Variants in ASCC1 observed in about 807,000 individuals in gnomAD.
ASCC1 encodes activating signal cointegrator 1 complex subunit 1.
A neutral mutation model predicts 46.6 loss-of-function variants in ASCC1; 35 were observed. That is an observed-to-expected ratio of 0.75 (90% CI 0.57 to 0.99). The LOEUF (loss-of-function observed/expected upper bound fraction) is 0.99. ASCC1 is among the 50% of genes least tolerant of loss of function. ASCC1 has a pLI of 0.00. For synonymous variants in ASCC1, 143 were observed against 146.6 expected, an observed-to-expected ratio of 0.98 and a Z score of 0.18; for missense variants, 376 against 428.7, an observed-to-expected ratio of 0.88 and a Z score of 1.09.
chr10:72,119,893 G>A (rs991191051), intron 9 of ASCC1, among the ~76,000 whole-genome samples: 2 of 152,226 alleles, frequency 1.3e-5, no homozygotes, highest in African/African-American at 4.8e-5. Context: ...AATGCAGGCA[G>A]AGAGATGGAA....
chr10:72,154,638 T>C (rs1385378134), intron 6 of ASCC1, among the ~76,000 whole-genome samples: 1 of 151,984 alleles, frequency 6.6e-6, no homozygotes, highest in African/African-American at 2.4e-5. Flanking sequence ...ATTATAAACA[T>C]GTGCCACCAT....
At position 72,161,572 on chromosome 10, in the gene ASCC1, C is replaced by T; in HGVS notation, c.592G>A (p.Glu198Lys). Residue 198 changes from glutamate to lysine, a missense_variant, in exon 6 of 10, where the codon GAG (glutamate) becomes AAG (lysine). Glu to Lys is a moderately conservative substitution (Grantham distance 56, BLOSUM62 1). Coordinates refer to ENST00000672957, the MANE Select transcript of ASCC1 (RefSeq NM_001198800.3). ...LSEEEIQQTC[E>K]MLQQCKEEFI... Reference sequence around the variant, plus strand: ...TCCTCTTTACACTGCTGTAGCATCTCACATGTCTGCTGGATCTCTTCCTCA... The same window carrying T: ...TCCTCTTTACACTGCTGTAGCATCTTACATGTCTGCTGGATCTCTTCCTCA... 1 of 1,614,198 alleles carries T rather than the reference C, an allele frequency of 6.2e-7. No individual in the cohort carries two copies. Among genetic ancestry groups the T allele is most frequent in the African/African-American group, 1.3e-5 (1 of 75,042 alleles).
At chr10:72,214,261 C>T (rs1347594448) in intron 1 of ASCC1, among the ~76,000 whole-genome samples, 2 of 151,738 alleles carry the variant, frequency 1.3e-5, no homozygotes, top group African/African-American at 2.4e-5. Flanking sequence ...TATATAAACA[C>T]AGCCTGTCCA....
intron 5 of ASCC1, among the ~76,000 whole-genome samples, chr10:72,183,763 T>C (rs1218794959): frequency 6.6e-6 from 1 of 152,160 alleles, no homozygotes; most frequent in Non-Finnish European, 1.5e-5. Flanking sequence ...CTATAATCAG[T>C]AAAAATCTTT....
chr10:72,108,076 C>CTTTTTTTTTTTTTTTTTT (rs375287948), intron 9 of ASCC1, among the ~76,000 whole-genome samples: 6 of 128,342 alleles, frequency 4.7e-5, no homozygotes, highest in South Asian at 2.5e-4. Flanking sequence ...TTTTCTTTTT[C>CTTTTTTTTTTTTTTTTTT]TTTTTTTTTT....
chr10:72,130,054 T>C (rs79400823), intron 8 of ASCC1, among the ~76,000 whole-genome samples: 4,032 of 147,730 alleles, frequency 0.027, 159 homozygotes, highest in East Asian at 0.097. Flanking sequence ...TGTTATAACA[T>C]GGATGAGCCT....
At position 72,161,600 on chromosome 10, in the gene ASCC1, C is replaced by T. The variant is rs1232543430; in HGVS notation, c.564G>A (p.Leu188=). The T allele has an allele frequency of 6.2e-7, 1 of 1,614,088 alleles. No individual in the cohort carries two copies. The highest frequency in any genetic ancestry group is 8.5e-7 in the Non-Finnish European group (1 of 1,180,052). The part of the protein sequence containing the change: ...LHLTIGMLVL[L]SEEEIQQTCE... ...ATGTCTGCTGGATCTCTTCCTCACT[C>T]AAAAGCACCAACATCCCAATAGTTA... Residue 188 remains leucine (L), a synonymous_variant, in exon 6 of 10, where the codon TTG becomes TTA. Coordinates refer to ENST00000672957, the MANE Select transcript of ASCC1 (RefSeq NM_001198800.3).
At chr10:72,189,768 T>C (rs7896637) in intron 5 of ASCC1, among the ~76,000 whole-genome samples, 19,345 of 146,992 alleles carry the variant, frequency 0.13, 3,694 homozygotes, top group African/African-American at 0.42. Flanking sequence ...CACCACTGCA[T>C]TCCTGCCTGG....
At chr10:72,133,335 C>G in intron 7 of ASCC1, 154 bp from the exon 8 acceptor site, 1 of 711,852 alleles carries the variant, frequency 1.4e-6, no homozygotes. Flanking sequence ...CATCTCCCAC[C>G]ATCATGGAGC....
intron 9 of ASCC1, among the ~76,000 whole-genome samples, chr10:72,104,073 AG>A (rs1842089949): frequency 6.6e-6 from 1 of 152,256 alleles, no homozygotes; most frequent in African/African-American, 2.4e-5. Flanking sequence ...GATGGGTGAG[AG>A]AAGAAATCTT....
chr10:72,212,247 A>T, intron 2 of ASCC1: 1 of 192,766 alleles, frequency 5.2e-6, no homozygotes, highest in Non-Finnish European at 1.1e-5. Context: ...CGGGAGGTAG[A>T]GGTTGCAGAG....
chr10:72,120,446 G>T (rs1385478501), intron 9 of ASCC1, among the ~76,000 whole-genome samples: 1 of 151,648 alleles, frequency 6.6e-6, no homozygotes, highest in Non-Finnish European at 1.5e-5. Flanking sequence ...AAAGATATAA[G>T]GTGCACACAA....
chr10:72,206,222 T>C (rs1282132668), intron 3 of ASCC1, among the ~76,000 whole-genome samples: 3 of 150,882 alleles, frequency 2.0e-5, no homozygotes, highest in African/African-American at 2.4e-5. Flanking sequence ...CTAACCAACA[T>C]GGAGAAACCC....
chr10:72,156,136 C>T (rs1035618668), intron 6 of ASCC1, among the ~76,000 whole-genome samples: 1 of 152,154 alleles, frequency 6.6e-6, no homozygotes, highest in Non-Finnish European at 1.5e-5. Flanking sequence ...CTTGGGCCAT[C>T]CCCTTGGTGA....
intron 3 of ASCC1, among the ~76,000 whole-genome samples, chr10:72,204,741 G>C (rs532714804): frequency 1.3e-5 from 2 of 152,282 alleles, no homozygotes; most frequent in East Asian, 3.9e-4. Context: ...TTAAAAATAA[G>C]ATGTTTAGAG....
At chr10:72,203,877 A>G (rs1589626017) in intron 3 of ASCC1, among the ~76,000 whole-genome samples, 1 of 152,202 alleles carries the variant, frequency 6.6e-6, no homozygotes, top group East Asian at 1.9e-4. Context: ...CTGCTACTCA[A>G]AAGACTGAGG....
chr10:72,192,596 T>C (rs1854707607), intron 5 of ASCC1, among the ~76,000 whole-genome samples: 1 of 152,158 alleles, frequency 6.6e-6, no homozygotes, highest in Non-Finnish European at 1.5e-5. Context: ...TGGGATCCAG[T>C]GATTCTCGTG....
chr10:72,157,686 G>C (rs1466849130), intron 6 of ASCC1, among the ~76,000 whole-genome samples: 3 of 152,140 alleles, frequency 2.0e-5, no homozygotes, highest in South Asian at 4.1e-4. Flanking sequence ...ACAACAACCT[G>C]AGTGTACTTA....
rs1346310098 is a variant in ASCC1, at chr10:72,096,052, A to G, written c.*1282T>C. On this transcript the variant is annotated 3_prime_UTR_variant, in exon 10 of 10. Coordinates refer to ENST00000672957, the MANE Select transcript of ASCC1 (RefSeq NM_001198800.3). Reference sequence around the variant, plus strand: ...AGAAACACCGTTAAACATTTTATTCACAAGTGATTTGTGCAGTCCCAATAA... The same window carrying G: ...AGAAACACCGTTAAACATTTTATTCGCAAGTGATTTGTGCAGTCCCAATAA... The G allele has an allele frequency of 4.5e-6, 2 of 443,248 alleles. No individual in the cohort carries two copies. The highest frequency in any genetic ancestry group is 3.1e-5 in the South Asian group (2 of 63,516). 27.5% of individuals were successfully genotyped at this position (443,248 alleles called of 1,614,324 possible). A position where few individuals can be genotyped will look rare whatever the true frequency, so the allele number is the denominator to read the frequency against.
Sources: allele counts gnomAD v4.1 joint callset (sites outside exome capture counted in the v4.1 genomes callset), GRCh38; gene constraint gnomAD v4.1.1; transcripts MANE v1.5; gene names NCBI Gene and HGNC (gene_info 2026-07-23, HGNC 2026-07-21).